Variants in MMP17 observed in about 807,000 individuals in gnomAD.
The protein encoded by MMP17 is matrix metalloproteinase-17.
Under a neutral mutation model 49.1 loss-of-function variants are expected in MMP17, and 54 were observed. That is an observed-to-expected ratio of 1.10 (90% CI 0.88 to 1.38). The LOEUF (loss-of-function observed/expected upper bound fraction) is 1.38, where lower values mean the gene tolerates loss of function less well. Among genes scored for constraint, MMP17 ranks in the 40% most tolerant of loss-of-function variants. The pLI is 0.00. For missense variants in MMP17, 837 were observed against 853.7 expected, an observed-to-expected ratio of 0.98 and a Z score of 0.24; for synonymous variants, 397 against 383.1, an observed-to-expected ratio of 1.04 and a Z score of -0.42.
intron 7 of MMP17, 38 bp downstream of exon 7, chr12:131,845,238 A>G (rs1887636743): frequency 1.2e-6 from 2 of 1,613,914 alleles, no homozygotes; most frequent in Non-Finnish European, 1.7e-6. Flanking sequence ...GCTGAGGGCC[A>G]TGGCCCACTC....
intron 8 of MMP17, among the ~76,000 whole-genome samples, chr12:131,849,405 AC>A (rs1887861577): frequency 6.6e-6 from 1 of 152,076 alleles, no homozygotes; most frequent in Non-Finnish European, 1.5e-5. Context: ...AATCGCTTGA[AC>A]CCAGGGGCGG....
At chr12:131,845,246 C>T in intron 7 of MMP17, 46 bp downstream of exon 7, 1 of 1,613,932 alleles carries the variant, frequency 6.2e-7, no homozygotes, top group Non-Finnish European at 8.5e-7. Context: ...CCATGGCCCA[C>T]TCTGGGTGCA....
intron 3 of MMP17, 44 bp downstream of exon 3, chr12:131,838,785 G>A: frequency 1.3e-6 from 2 of 1,499,126 alleles, no homozygotes; most frequent in African/African-American, 1.4e-5. Flanking sequence ...CCGTGGAGGT[G>A]GGCGCGTGGC....
intron 8 of MMP17, among the ~76,000 whole-genome samples, chr12:131,848,838 T>A (rs1887834900): frequency 6.6e-6 from 1 of 152,190 alleles, no homozygotes; most frequent in African/African-American, 2.4e-5. Flanking sequence ...TTTCCTCTAC[T>A]CTGGGCTCCT....
At chr12:131,850,490 G>C (rs1043031227) in intron 9 of MMP17, among the ~76,000 whole-genome samples, 5 of 152,196 alleles carry the variant, frequency 3.3e-5, no homozygotes, top group African/African-American at 9.7e-5. Context: ...CTCCAGGGAC[G>C]GCAGCATCCT....
At chr12:131,841,300 G>A (rs1009778702) in intron 4 of MMP17, among the ~76,000 whole-genome samples, 1 of 152,196 alleles carries the variant, frequency 6.6e-6, no homozygotes, top group Non-Finnish European at 1.5e-5. Context: ...CCACAGCATT[G>A]GGCCTCAGGT....
intron 1 of MMP17, among the ~76,000 whole-genome samples, chr12:131,830,648 G>T (rs1886744435): frequency 6.6e-6 from 1 of 152,246 alleles, no homozygotes; most frequent in South Asian, 2.1e-4. Flanking sequence ...GGCGCTCCCG[G>T]AGTGGACTGA....
Position 131,837,959 on chromosome 12 carries a change from C to G in MMP17, c.160-236C>G, listed in dbSNP as rs1273352371. The G allele has an allele frequency of 2.9e-5, 12 of 413,232 alleles. No individual in the cohort carries two copies. In the Admixed American group the frequency reaches 4.3e-4, roughly 15 times the overall value. 25.6% of individuals were successfully genotyped at this position (413,232 alleles called of 1,614,324 possible). A position where few individuals can be genotyped will look rare whatever the true frequency, so the allele number is the denominator to read the frequency against. Reference sequence around the variant, plus strand: ...TCTCCTGACCTCATGATCCGCCTGCCTCGGCCTCCCAAACTGCTGGGATTA... The same window carrying G: ...TCTCCTGACCTCATGATCCGCCTGCGTCGGCCTCCCAAACTGCTGGGATTA... On this transcript the variant is annotated intron_variant, in intron 1 of 9. Coordinates refer to ENST00000360564, the MANE Select transcript of MMP17 (RefSeq NM_016155.7).
In MMP17 at chr12:131,841,792, A is replaced by G. The variant is rs1887428370; in HGVS notation, c.875A>G (p.Gln292Arg). 1 of 1,593,608 alleles carries G rather than the reference A, an allele frequency of 6.3e-7. No individual in the cohort carries two copies. The highest frequency in any genetic ancestry group is 1.7e-5 in the Admixed American group (1 of 57,350). Residue 292 changes from glutamine (Q) to arginine (R), a missense_variant, in exon 5 of 10, where the codon CAG becomes CGG. Coordinates refer to ENST00000360564, the MANE Select transcript of MMP17 (RefSeq NM_016155.7). The part of the protein sequence containing the change: ...LPYEDKVRVW[Q>R]LYGVRESVSP... ...TACGAGGACAAGGTGCGCGTCTGGCAGCTGTACGGTGAGTGTCTCCCCGAA... is the reference window on the plus strand; with the variant it reads ...TACGAGGACAAGGTGCGCGTCTGGCGGCTGTACGGTGAGTGTCTCCCCGAA...
chr12:131,843,787 A>G (rs998908013), intron 5 of MMP17, among the ~76,000 whole-genome samples: 11 of 152,160 alleles, frequency 7.2e-5, no homozygotes, highest in African/African-American at 1.2e-4. Context: ...GGCAGTGCTC[A>G]CACACTGAGT....
chr12:131,840,789 C>T lies in MMP17; in HGVS notation c.639C>T (p.Pro213=), dbSNP rs138755759. The T allele has an allele frequency of 7.2e-5, 116 of 1,605,992 alleles. 1 individual carries two copies. In the African/African-American group the frequency reaches 8.1e-4, roughly 11 times the overall value. ...PGGTVAHAFF[P]GHHHTAGDTH... ...GCACCGTGGCCCACGCCTTCTTCCC[C>T]GGCCACCACCACACCGCCGGGGACA... Residue 213 remains proline, a synonymous_variant, in exon 4 of 10, where the codon CCC becomes CCT. Transcript: ENST00000360564.
Position 131,851,573 on chromosome 12 carries a change from C to CT in MMP17, c.*299_*300insT, listed in dbSNP as rs1433399601. 5.8e-6 allele frequency: 2 copies of CT among 347,198 alleles called. No individual in the cohort carries two copies. Among genetic ancestry groups the CT allele is most frequent in the East Asian group, 4.2e-5 (1 of 23,786 alleles). The allele number at this position is 347,198 out of a possible 1,614,324, so 21.5% of individuals were successfully genotyped here. On this transcript the variant is annotated 3_prime_UTR_variant, in exon 10 of 10. Transcript: ENST00000360564. Reference sequence around the variant, plus strand: ...TCCTCCGGCCCTGGAGGGAGCATCTCGGGCTGGGGGCCCACCCCTCTCTGT... The same window carrying CT: ...TCCTCCGGCCCTGGAGGGAGCATCTCTGGGCTGGGGGCCCACCCCTCTCTGT...
intron 1 of MMP17, among the ~76,000 whole-genome samples, chr12:131,830,546 A>G (rs2136304297): frequency 6.6e-6 from 1 of 152,304 alleles, no homozygotes; most frequent in African/African-American, 2.4e-5. Context: ...GGCCGAGCTC[A>G]GGCCCAGGGG....
Position 131,844,046 on chromosome 12 carries a change from G to C in MMP17, c.933G>C (p.Leu311=). Residue 311 remains leucine (L), a synonymous_variant, in exon 6 of 10, where the codon CTG becomes CTC. Transcript: ENST00000360564. ...CGGCGCAGCCCGAGGAGCCTCCCCT[G>C]CTGCCGGAGCCCCCAGACAACCGGT... ...SPTAQPEEPP[L]LPEPPDNRSS... 1.3e-6 allele frequency: 2 copies of C among 1,569,392 alleles called. No individual in the cohort carries two copies. Among genetic ancestry groups the C allele is most frequent in the East Asian group, 2.4e-5 (1 of 42,474 alleles).
chr12:131,835,044 G>T (rs1455248933), intron 1 of MMP17, among the ~76,000 whole-genome samples: 24 of 152,160 alleles, frequency 1.6e-4, no homozygotes, highest in Admixed American at 1.6e-3. Flanking sequence ...AACCTGCAAG[G>T]CTTGTTCTGT....
At position 131,851,175 on chromosome 12, in the gene MMP17, G is replaced by A. The variant is rs779638172; in HGVS notation, c.1713G>A (p.Pro571=). 41 of 1,478,642 alleles carry A rather than the reference G, an allele frequency of 2.8e-5. No individual in the cohort carries two copies. Among genetic ancestry groups the A allele is most frequent in the East Asian group, 5.3e-5 (2 of 38,060 alleles). 91.6% of individuals were successfully genotyped at this position (1,478,642 alleles called of 1,614,324 possible). ...GCACCTCTGGGGCATCCTCTCCCCCGGGGGCCCCAGGCCCACTGGTGGCTG... is the reference window on the plus strand; with the variant it reads ...GCACCTCTGGGGCATCCTCTCCCCCAGGGGCCCCAGGCCCACTGGTGGCTG... ...CSCTSGASSP[P]GAPGPLVAAT... is the part of the protein sequence containing the mutation. The change falls in exon 10 of 10, where the codon CCG becomes CCA. Residue 571 remains proline, a synonymous_variant. Transcript: ENST00000360564.
chr12:131,834,696 G>A (rs1229333446), intron 1 of MMP17, among the ~76,000 whole-genome samples: 1 of 152,084 alleles, frequency 6.6e-6, no homozygotes, highest in East Asian at 1.9e-4. Context: ...GGCTGCAGTG[G>A]GGGGGTTTGC....
At chr12:131,850,168 C>T (rs1887903891) in intron 9 of MMP17, 109 bp downstream of exon 9, 3 of 1,397,150 alleles carry the variant, frequency 2.1e-6, no homozygotes, top group South Asian at 2.9e-5. Flanking sequence ...CGGCCCCGGT[C>T]GGTGTGGGCT....
chr12:131,851,306 C>T lies in MMP17; in HGVS notation c.*32C>T, dbSNP rs200157527. On this transcript the variant is annotated 3_prime_UTR_variant, in exon 10 of 10. Coordinates refer to ENST00000360564, the MANE Select transcript of MMP17 (RefSeq NM_016155.7). ...GCGCGAGCCCATGAGAGGACAGAGG[C>T]GGTGGGACAGCCTGGCCACAGAGGG... 429 of 1,355,770 alleles carry T rather than the reference C, an allele frequency of 3.2e-4. 4 individuals carry two copies. The East Asian group carries it at 0.012, about 38-fold the overall frequency. The allele number at this position is 1,355,770 out of a possible 1,614,324, so 84.0% of individuals were successfully genotyped here.
Sources: gnomAD v4.1 joint callset for allele counts (sites outside exome capture counted in the v4.1 genomes callset) on GRCh38, gnomAD v4.1.1 for gene constraint, MANE v1.5 for transcripts, NCBI Gene and HGNC (gene_info 2026-07-23, HGNC 2026-07-21) for gene names.